EFCAB3: variants seen among roughly 807,000 people sequenced by gnomAD.
EFCAB3 encodes the protein EF-hand calcium binding domain 3.
In EFCAB3, 36 loss-of-function variants were observed where a neutral mutation model predicts 42.2. That is an observed-to-expected ratio of 0.85 (90% CI 0.65 to 1.13). EFCAB3 has a LOEUF of 1.13. Among genes scored for constraint, EFCAB3 ranks in the 50% most tolerant of loss-of-function variants. The pLI, the probability that EFCAB3 is intolerant of heterozygous loss-of-function variation, is 0.00. For synonymous variants in EFCAB3, 170 were observed against 172.8 expected, an observed-to-expected ratio of 0.98 and a Z score of 0.13; for missense variants, 418 against 505.1, an observed-to-expected ratio of 0.83 and a Z score of 1.65.
intron 6 of EFCAB3, among the ~76,000 whole-genome samples, chr17:62,396,975 C>T (rs1187671223): frequency 6.6e-6 from 1 of 152,008 alleles, no homozygotes; most frequent in Non-Finnish European, 1.5e-5. Context: ...ATCATCACTC[C>T]CACTTTACAG....
In EFCAB3 at chr17:62,412,388, T is replaced by C. The variant is rs568288034; in HGVS notation, c.868-1344T>C. On this transcript the variant is annotated intron_variant, in intron 8 of 9. Coordinates refer to ENST00000305286, the MANE Select transcript of EFCAB3 (RefSeq NM_173503.4). ...AAAAAAAAAAAAAAAAAAAAGAATGTTTGACATTATAAGGGTGTTGTTCTT... is the reference window on the plus strand; with the variant it reads ...AAAAAAAAAAAAAAAAAAAAGAATGCTTGACATTATAAGGGTGTTGTTCTT... Among the ~76,000 whole-genome samples the C allele has an allele frequency of 1.7e-4, 26 of 150,872 alleles. No individual in the cohort carries two copies. The South Asian group carries it at 4.2e-3, about 24-fold the overall frequency.
intron 8 of EFCAB3, among the ~76,000 whole-genome samples, chr17:62,412,402 G>T (rs865807777): frequency 1.3e-4 from 20 of 151,480 alleles, no homozygotes; most frequent in African/African-American, 4.9e-4. Flanking sequence ...ACATTATAAG[G>T]GTGTTGTTCT....
In EFCAB3 at chr17:62,413,825, G is replaced by C; in HGVS notation, c.961G>C (p.Val321Leu). The C allele has an allele frequency of 6.2e-7, 1 of 1,612,304 alleles. No individual in the cohort carries two copies. Among genetic ancestry groups the C allele is most frequent in the East Asian group, 2.2e-5 (1 of 44,838 alleles). The change falls in exon 9 of 10, where the codon GTG becomes CTG. Residue 321 changes from valine (V) to leucine (L), a missense_variant. Transcript: ENST00000305286. ...QMLKKKQTCT[V>L]ADATAIKQHV... ...GCTCAAGAAAAAGCAGACTTGTACA[G>C]TGGCCGATGCAACTGCTATTAAACA...
At chr17:62,371,218 A>G (rs1032041683) in intron 1 of EFCAB3, among the ~76,000 whole-genome samples, 7 of 152,068 alleles carry the variant, frequency 4.6e-5, no homozygotes, top group Admixed American at 6.6e-5. Context: ...CCTTTTGCCT[A>G]TCAAAGACCT....
intron 1 of EFCAB3, chr17:62,373,717 G>T: frequency 1.4e-6 from 1 of 706,558 alleles, no homozygotes; most frequent in South Asian, 1.8e-5. Context: ...TCTAACTCAT[G>T]GAAGAATTTC....
At chr17:62,401,995 G>A (rs1161806414) in intron 6 of EFCAB3, among the ~76,000 whole-genome samples, 1 of 152,088 alleles carries the variant, frequency 6.6e-6, no homozygotes, top group Non-Finnish European at 1.5e-5. Flanking sequence ...TCCTTGAAGA[G>A]GTCCTTCACA....
intron 1 of EFCAB3, 124 bp downstream of exon 1, chr17:62,380,737 A>G: frequency 2.6e-6 from 1 of 383,698 alleles, no homozygotes; most frequent in Non-Finnish European, 3.6e-6. Context: ...ATTTCACAGC[A>G]CCTTTCAAAT....
intron 6 of EFCAB3, among the ~76,000 whole-genome samples, chr17:62,405,866 A>G (rs934091591): frequency 2.0e-5 from 3 of 152,190 alleles, no homozygotes; most frequent in African/African-American, 4.8e-5. Flanking sequence ...TTTACTCCAG[A>G]TCGTAAGCTT....
intron 3 of EFCAB3, among the ~76,000 whole-genome samples, chr17:62,390,981 C>A (rs1178432087): frequency 6.6e-6 from 1 of 152,308 alleles, no homozygotes; most frequent in African/African-American, 2.4e-5. Context: ...TTGGATTATA[C>A]AAAACATACA....
Position 62,388,211 on chromosome 17 carries a change from G to GAA in EFCAB3, c.151+804_151+805dup, listed in dbSNP as rs537644251. On this transcript the variant is annotated intron_variant, in intron 3 of 9. Transcript: ENST00000305286. ...GGGCGACAAAGCGAGACTACGTCTC[G>GAA]AAAAAAAAAAGCCATGAACTTGCTG... Among the ~76,000 whole-genome samples, 392 of 144,836 alleles carry GAA rather than the reference G, an allele frequency of 2.7e-3. 2 individuals are homozygous for GAA. The highest frequency in any genetic ancestry group is 8.5e-3 in the African/African-American group (334 of 39,506).
intron 6 of EFCAB3, among the ~76,000 whole-genome samples, chr17:62,402,986 A>C (rs1430171190): frequency 6.6e-6 from 1 of 152,198 alleles, no homozygotes; most frequent in African/African-American, 2.4e-5. Flanking sequence ...TGGTCTAGTC[A>C]GGGATTCAAC....
chr17:62,383,382 G>A (rs1228331848), intron 2 of EFCAB3, among the ~76,000 whole-genome samples: 2 of 152,078 alleles, frequency 1.3e-5, no homozygotes, highest in Non-Finnish European at 2.9e-5. Flanking sequence ...GCTGAGGCAG[G>A]AGAATTGCTT....
upstream of EFCAB3, among the ~76,000 whole-genome samples, chr17:62,376,418 C>G (rs369229510): frequency 1.6e-4 from 25 of 152,170 alleles, no homozygotes; most frequent in African/African-American, 6.0e-4. Context: ...GAGCCGAGAT[C>G]GCACCACTGC....
intron 1 of EFCAB3, among the ~76,000 whole-genome samples, chr17:62,370,814 G>A (rs7217093): frequency 2.0e-5 from 3 of 151,988 alleles, no homozygotes; most frequent in Non-Finnish European, 4.4e-5. Flanking sequence ...GGGGCCAGAC[G>A]TGGTGGCTCA....
Position 62,382,271 on chromosome 17 carries a change from A to G in EFCAB3, c.-17-692A>G, listed in dbSNP as rs145358395. On this transcript the variant is annotated intron_variant, in intron 1 of 9. Coordinates refer to ENST00000305286, the MANE Select transcript of EFCAB3 (RefSeq NM_173503.4). ...AGCATCTTTAAATAACTTTTTCCATATATTTCCAGAATGCTCATTATCTGT... is the reference window on the plus strand; with the variant it reads ...AGCATCTTTAAATAACTTTTTCCATGTATTTCCAGAATGCTCATTATCTGT... 6.8e-4 allele frequency among the ~76,000 whole-genome samples: 103 copies of G among 152,336 alleles called. No individual in the cohort carries two copies. In the Middle Eastern group the frequency reaches 0.01, roughly 15 times the overall value.
intron 6 of EFCAB3, among the ~76,000 whole-genome samples, chr17:62,405,060 G>C (rs1173309746): frequency 1.3e-5 from 2 of 152,114 alleles, no homozygotes; most frequent in African/African-American, 4.8e-5. Flanking sequence ...GTGTAGTCAG[G>C]GCCAAGAATT....
At chr17:62,378,922 AC>A (rs914915235), upstream of EFCAB3, among the ~76,000 whole-genome samples, 21 of 151,874 alleles carry the variant, frequency 1.4e-4, no homozygotes, top group African/African-American at 5.1e-4. Context: ...TTAAAGTATA[AC>A]AAAAAAAAAA....
chr17:62,395,950 T>G (rs2070344945), intron 6 of EFCAB3, among the ~76,000 whole-genome samples: 1 of 152,152 alleles, frequency 6.6e-6, no homozygotes, highest in Admixed American at 6.5e-5. Context: ...GTAGTCTCTT[T>G]ATACTCTCCT....
chr17:62,394,512 T>A (rs1355022686), intron 5 of EFCAB3, among the ~76,000 whole-genome samples: 1 of 152,184 alleles, frequency 6.6e-6, no homozygotes, highest in Non-Finnish European at 1.5e-5. Flanking sequence ...AAATAATTTT[T>A]CTATTATTTC....
Sources: gnomAD v4.1 joint callset for allele counts (sites outside exome capture counted in the v4.1 genomes callset) on GRCh38, gnomAD v4.1.1 for gene constraint, MANE v1.5 for transcripts, NCBI Gene and HGNC (gene_info 2026-07-23, HGNC 2026-07-21) for gene names.